The following EIF4G3 variants were observed in gnomAD, a reference collection of about 807,000 sequenced individuals.
The protein encoded by EIF4G3 is eukaryotic translation initiation factor 4 gamma 3, also known as eIF-4-gamma 3.
EIF4G3 carries 34 observed loss-of-function variants against 186.4 expected under a neutral mutation model. The observed-to-expected ratio is 0.18, with a 90% confidence interval of 0.14 to 0.24. EIF4G3 has a LOEUF of 0.24. EIF4G3 is among the 10% of genes least tolerant of loss of function. The pLI is 1.00. For missense variants in EIF4G3, 1,536 were observed against 1,948.5 expected, an observed-to-expected ratio of 0.79 and a Z score of 3.99; for synonymous variants, 673 against 679.5, an observed-to-expected ratio of 0.99 and a Z score of 0.15.
intron 14 of EIF4G3, among the ~76,000 whole-genome samples, chr1:20,928,562 C>T (rs751289609): frequency 6.6e-6 from 1 of 152,078 alleles, no homozygotes; most frequent in Admixed American, 6.6e-5. Context: ...ACCACCATGC[C>T]TGGCTATTTT....
At chr1:21,020,204 C>G (rs1047225295) in intron 4 of EIF4G3, among the ~76,000 whole-genome samples, 1 of 152,044 alleles carries the variant, frequency 6.6e-6, no homozygotes, top group Non-Finnish European at 1.5e-5. Flanking sequence ...GACCAATTTG[C>G]GGGGCCAGGC....
intron 14 of EIF4G3, among the ~76,000 whole-genome samples, chr1:20,933,442 G>A (rs931552696): frequency 6.6e-6 from 1 of 152,042 alleles, no homozygotes; most frequent in Non-Finnish European, 1.5e-5. Flanking sequence ...GGATCACAAG[G>A]TCAGGAGTTT....
intron 30 of EIF4G3, 114 bp downstream of exon 30, chr1:20,840,742 G>T (rs2068303682): frequency 8.6e-6 from 8 of 929,228 alleles, no homozygotes; most frequent in Admixed American, 5.3e-5. Context: ...TATTACAGTG[G>T]ATACAATTTT....
intron 20 of EIF4G3, among the ~76,000 whole-genome samples, chr1:20,865,507 G>A (rs1457525054): frequency 2.6e-5 from 4 of 151,438 alleles, no homozygotes; most frequent in Admixed American, 6.6e-5. Context: ...AGCTAACATG[G>A]AAACCCTTGT....
intron 2 of EIF4G3, among the ~76,000 whole-genome samples, chr1:21,093,968 G>C (rs902305773): frequency 7.9e-5 from 12 of 152,124 alleles, no homozygotes; most frequent in Admixed American, 2.6e-4. Flanking sequence ...GTGGGGGAAG[G>C]AGGGAGGGAT....
chr1:21,101,430 A>G (rs1038509092), intron 2 of EIF4G3, among the ~76,000 whole-genome samples: 5 of 151,898 alleles, frequency 3.3e-5, no homozygotes, highest in African/African-American at 9.7e-5. Context: ...TTAGCCAGAC[A>G]TGGTGGTGGG....
intron 2 of EIF4G3, among the ~76,000 whole-genome samples, chr1:21,149,929 T>C (rs2097524220): frequency 6.6e-6 from 1 of 152,252 alleles, no homozygotes; most frequent in South Asian, 2.1e-4. Flanking sequence ...GCTCAGTGAA[T>C]GACAGCATCA....
In EIF4G3 at chr1:20,886,254, G is replaced by T; in HGVS notation, c.2371C>A (p.Pro791Thr). The T allele has an allele frequency of 6.2e-7, 1 of 1,613,916 alleles. No homozygotes were observed. The highest frequency in any genetic ancestry group is 8.5e-7 in the Non-Finnish European group (1 of 1,179,920). Residue 791 changes from proline (P) to threonine (T), a missense_variant, in exon 19 of 37, where the codon CCA becomes ACA. Physicochemically the swap from Pro to Thr is conservative, Grantham distance 38. This residue lies in a region of EIF4G3 where 139 missense variants were observed against 192.8 expected (regional missense o/e 0.72). Transcript: ENST00000602326. ...GCTTGGCTGTCTCGTTTTTGGCTTG[G>T]CTTCCAGGCATTTTCTGCCTTTTTC... ...HLKKAENAWK[P>T]SQKRDSQADD...
chr1:21,075,861 A>G (rs2095574839), intron 3 of EIF4G3, among the ~76,000 whole-genome samples: 1 of 152,220 alleles, frequency 6.6e-6, no homozygotes, highest in Non-Finnish European at 1.5e-5. Flanking sequence ...AGGGTGAGAT[A>G]GACTAAAATA....
At chr1:20,844,420 T>C (rs1409995686) in intron 29 of EIF4G3, among the ~76,000 whole-genome samples, 1 of 152,226 alleles carries the variant, frequency 6.6e-6, no homozygotes, top group Non-Finnish European at 1.5e-5. Flanking sequence ...CTTTTTTATC[T>C]TGTGATTGTT....
intron 30 of EIF4G3, 60 bp from the exon 31 acceptor site, chr1:20,829,332 TAAAG>T (rs2064483155): frequency 1.9e-6 from 3 of 1,578,712 alleles, no homozygotes; most frequent in Non-Finnish European, 2.6e-6. Flanking sequence ...TAAAATTAAA[TAAAG>T]AGATAAAAAA....
intron 4 of EIF4G3, among the ~76,000 whole-genome samples, chr1:21,030,090 C>T (rs926078643): frequency 2.0e-5 from 3 of 152,016 alleles, no homozygotes; most frequent in Non-Finnish European, 2.9e-5. Flanking sequence ...CCCAGGATGG[C>T]CTCAAACTCC....
intron 4 of EIF4G3, among the ~76,000 whole-genome samples, chr1:21,047,181 G>C (rs2093940430): frequency 6.6e-6 from 1 of 152,072 alleles, no homozygotes; most frequent in South Asian, 2.1e-4. Flanking sequence ...CCTCTATTTT[G>C]AACGCTCTTC....
Position 20,886,341 on chromosome 1 carries a change from G to A in EIF4G3, c.2284C>T (p.Pro762Ser). The A allele has an allele frequency of 6.2e-7, 1 of 1,613,836 alleles. No homozygotes were observed. Among genetic ancestry groups the A allele is most frequent in the South Asian group, 1.1e-5 (1 of 91,008 alleles). Residue 762 changes from proline to serine, a missense_variant, in exon 19 of 37, where the codon CCT (proline) becomes TCT (serine). Pro to Ser is a moderately conservative substitution (Grantham distance 74). Around this residue, in one of 11 missense-constraint regions of EIF4G3, gnomAD observed 139 missense variants for 192.8 expected, o/e 0.72. Transcript: ENST00000602326. ...LLNVGSRRSQPGQRREPRKII... is the reference protein window; with the variant it reads ...LLNVGSRRSQSGQRREPRKII... ...TTTCTGGGTTCTCTTCTTTGGCCAG[G>A]TTGAGATCTTCGTGACCCAACATTC... is the stretch of plus-strand genomic sequence containing the variant.
At chr1:21,050,676 CA>C (rs1420045158) in intron 4 of EIF4G3, among the ~76,000 whole-genome samples, 189 bp downstream of exon 4, 1 of 152,108 alleles carries the variant, frequency 6.6e-6, no homozygotes, top group Non-Finnish European at 1.5e-5. Context: ...TTAATGACTT[CA>C]AAATGAAATG....
chr1:20,812,189 G>T (rs1212741904), intron 35 of EIF4G3, among the ~76,000 whole-genome samples: 1 of 152,144 alleles, frequency 6.6e-6, no homozygotes, highest in Non-Finnish European at 1.5e-5. Flanking sequence ...TCAAGAGGCT[G>T]AGGCGATAGG....
At chr1:20,981,956 T>A (rs982450965) in intron 8 of EIF4G3, among the ~76,000 whole-genome samples, 1 of 152,192 alleles carries the variant, frequency 6.6e-6, no homozygotes, top group East Asian at 1.9e-4. Flanking sequence ...CCTAAAAGAC[T>A]GCTGTTCAAG....
At position 20,806,668 on chromosome 1, in the gene EIF4G3, C is replaced by G. The variant is rs1301843265; in HGVS notation, c.*651G>C. 1 of 148,398 alleles carries G rather than the reference C, an allele frequency of 6.7e-6. No individual in the cohort carries two copies. The highest frequency in any genetic ancestry group is 2.0e-4 in the East Asian group (1 of 5,108). 9.2% of individuals were successfully genotyped at this position (148,398 alleles called of 1,614,324 possible). On this transcript the variant is annotated 3_prime_UTR_variant, in exon 37 of 37. Coordinates refer to ENST00000602326, the MANE Select transcript of EIF4G3 (RefSeq NM_001391906.1). ...AGGGTAGCACTTTTTTTTTTTTAAA[C>G]AATTCTTGGAGTTCTGTGGTCCACA...
chr1:21,013,864 C>A (rs749477999), intron 4 of EIF4G3, among the ~76,000 whole-genome samples: 4 of 152,090 alleles, frequency 2.6e-5, no homozygotes, highest in Non-Finnish European at 5.9e-5. Flanking sequence ...CGACTTTGAA[C>A]AAATATCATA....
Sources: allele counts gnomAD v4.1 joint callset (sites outside exome capture counted in the v4.1 genomes callset), GRCh38; gene constraint gnomAD v4.1.1; regional missense constraint gnomAD v4.1.1; transcripts MANE v1.5; gene names NCBI Gene and HGNC (gene_info 2026-07-23, HGNC 2026-07-21).